ANKRD42: variants seen among roughly 807,000 people sequenced by gnomAD.
ANKRD42 encodes ankyrin repeat domain 42.
A neutral mutation model predicts 51.5 loss-of-function variants in ANKRD42; 43 were observed. That is an observed-to-expected ratio of 0.83 (90% CI 0.65 to 1.08). The LOEUF is 1.08. ANKRD42 is among the 50% of genes least tolerant of loss of function. ANKRD42 has a pLI of 0.00. For missense variants in ANKRD42, 608 were observed against 629.3 expected (o/e 0.97, Z 0.36); for synonymous variants, 203 against 213.0 (o/e 0.95, Z 0.41).
At position 83,199,481 on chromosome 11, in the gene ANKRD42, T is replaced by C. The variant is rs140344252; in HGVS notation, c.222+839T>C. 5.5e-4 allele frequency among the ~76,000 whole-genome samples: 84 copies of C among 152,338 alleles called. 2 individuals carry two copies. In the East Asian group the frequency reaches 0.015, roughly 28 times the overall value. ...TACTCTAGTTCATTTCTTTCAGCCA[T>C]GTCGTTTATTCTATTCTTAGACTGG... On this transcript the variant is annotated intron_variant, in intron 2 of 10. Transcript: ENST00000533342.
intron 5 of ANKRD42, among the ~76,000 whole-genome samples, chr11:83,222,934 C>T (rs1174894220): frequency 1.3e-5 from 2 of 152,056 alleles, no homozygotes; most frequent in Non-Finnish European, 2.9e-5. Context: ...ACAGGAGTGA[C>T]ATGATCTGAC....
At chr11:83,201,118 T>C (rs960498979) in intron 2 of ANKRD42, among the ~76,000 whole-genome samples, 4 of 152,062 alleles carry the variant, frequency 2.6e-5, no homozygotes, top group Admixed American at 2.0e-4. Flanking sequence ...CTGCATGCAT[T>C]AGGTATTTGT....
At chr11:83,196,038 A>C (rs1182910562) in intron 1 of ANKRD42, among the ~76,000 whole-genome samples, 3 of 151,840 alleles carry the variant, frequency 2.0e-5, no homozygotes, top group African/African-American at 7.3e-5. Flanking sequence ...GTAGAAACGG[A>C]GTTTCACTGT....
chr11:83,257,532 C>G (rs1267922159), downstream of ANKRD42, among the ~76,000 whole-genome samples: 2 of 152,140 alleles, frequency 1.3e-5, no homozygotes, highest in Non-Finnish European at 2.9e-5. Context: ...CTCACAAGAG[C>G]CATATAAAGT....
exon 12 of ANKRD42, chr11:83,256,051 C>G: frequency 2.9e-6 from 2 of 681,670 alleles, no homozygotes; most frequent in South Asian, 4.9e-5. Context: ...TGTTCCAATT[C>G]TGATGGCAGA....
chr11:83,242,108 G>C (rs748454583), intron 9 of ANKRD42, among the ~76,000 whole-genome samples: 2 of 152,072 alleles, frequency 1.3e-5, no homozygotes, highest in Non-Finnish European at 2.9e-5. Flanking sequence ...TTTCATATTA[G>C]AGGCTTTCAT....
At chr11:83,230,025 A>C (rs1366897931) in intron 7 of ANKRD42, among the ~76,000 whole-genome samples, 1 of 152,146 alleles carries the variant, frequency 6.6e-6, no homozygotes, top group East Asian at 1.9e-4. Flanking sequence ...GTTATTTAAA[A>C]ATGTACAATT....
intron 6 of ANKRD42, among the ~76,000 whole-genome samples, chr11:83,226,228 T>TAC (rs1294630696): frequency 2.1e-5 from 3 of 140,236 alleles, no homozygotes; most frequent in Non-Finnish European, 3.2e-5. Context: ...CACACACACA[T>TAC]ACACACACAC....
At chr11:83,216,603 C>T (rs968040132) in intron 5 of ANKRD42, among the ~76,000 whole-genome samples, 8 of 152,260 alleles carry the variant, frequency 5.3e-5, no homozygotes, top group Middle Eastern at 3.4e-3. Flanking sequence ...GGATTACAGG[C>T]GTGAGCCACC....
chr11:83,233,463 A>T (rs1270437292), intron 7 of ANKRD42, among the ~76,000 whole-genome samples: 1 of 150,842 alleles, frequency 6.6e-6, no homozygotes, highest in African/African-American at 2.4e-5. Context: ...ATTTATTTGG[A>T]TCTTCTCTCT....
intron 10 of ANKRD42, among the ~76,000 whole-genome samples, chr11:83,246,619 G>C (rs620195): frequency 0.28 from 42,128 of 152,040 alleles, 6,479 homozygotes; most frequent in Non-Finnish European, 0.35. Flanking sequence ...AACCACACAT[G>C]GATTCCCTTC....
At chr11:83,212,806 G>A in intron 5 of ANKRD42, 1 of 1,483,144 alleles carries the variant, frequency 6.7e-7, no homozygotes, top group South Asian at 1.3e-5. Flanking sequence ...TCGTCTTTCA[G>A]TGTTCATTTA....
intron 5 of ANKRD42, 135 bp downstream of exon 5, chr11:83,211,565 G>T: frequency 1.0e-6 from 1 of 1,003,388 alleles, no homozygotes; most frequent in South Asian, 1.6e-5. Flanking sequence ...GAGAGGCTGA[G>T]GCTGGAGGAT....
chr11:83,210,500 A>G, intron 4 of ANKRD42, 81 bp downstream of exon 4: 1 of 1,491,558 alleles, frequency 6.7e-7, no homozygotes, highest in Non-Finnish European at 9.1e-7. Flanking sequence ...TCTCTTCCTG[A>G]CTTTTTAGAT....
intron 7 of ANKRD42, among the ~76,000 whole-genome samples, chr11:83,231,294 C>T (rs144836388): frequency 1.3e-5 from 2 of 152,264 alleles, no homozygotes; most frequent in African/African-American, 4.8e-5. Context: ...TTTTGATTTG[C>T]ATTTATTTGA....
chr11:83,199,084 A>G (rs1861771546), intron 2 of ANKRD42, among the ~76,000 whole-genome samples: 2 of 152,240 alleles, frequency 1.3e-5, no homozygotes, highest in African/African-American at 2.4e-5. Context: ...TCCTCACAAT[A>G]TGGTGACTGG....
chr11:83,253,989 T>A (rs948941508), intron 11 of ANKRD42, among the ~76,000 whole-genome samples: 3 of 152,182 alleles, frequency 2.0e-5, no homozygotes, highest in Non-Finnish European at 2.9e-5. Context: ...TTAATTAATT[T>A]TTTTGAGACA....
At chr11:83,256,217 G>A (rs1365065053), downstream of ANKRD42, 1 of 195,728 alleles carries the variant, frequency 5.1e-6, no homozygotes, top group Non-Finnish European at 1.0e-5. Flanking sequence ...TAAAATATTA[G>A]CTGGTATAGT....
intron 8 of ANKRD42, among the ~76,000 whole-genome samples, chr11:83,237,310 T>G (rs975256920): frequency 6.6e-6 from 1 of 151,150 alleles, no homozygotes; most frequent in African/African-American, 2.5e-5. Flanking sequence ...GGGAGAAACT[T>G]TAATACAGAG....
Sources: allele counts gnomAD v4.1 joint callset (sites outside exome capture counted in the v4.1 genomes callset), GRCh38; gene constraint gnomAD v4.1.1; transcripts MANE v1.5; gene names NCBI Gene and HGNC (gene_info 2026-07-23, HGNC 2026-07-21).